MEIS2: variants seen among roughly 807,000 people sequenced by gnomAD.
The protein encoded by MEIS2 is homeobox protein Meis2.
In MEIS2, 9 loss-of-function variants were observed where a neutral mutation model predicts 58.6. The ratio of observed to expected loss-of-function variants is 0.15; its 90% CI spans 0.09 to 0.27. The LOEUF (loss-of-function observed/expected upper bound fraction) is 0.27, where lower values mean the gene tolerates loss of function less well. MEIS2 is among the 10% of genes least tolerant of loss of function. The probability of loss-of-function intolerance (pLI) is 1.00; values close to 1 mark genes in which losing one functional copy is unlikely to be tolerated. For missense variants in MEIS2, 427 were observed against 635.0 expected (o/e 0.67, Z 3.52); for synonymous variants, 221 against 228.4 (o/e 0.97, Z 0.29).
At chr15:37,064,398 T>G (rs1042370737) in intron 7 of MEIS2, among the ~76,000 whole-genome samples, 1 of 152,052 alleles carries the variant, frequency 6.6e-6, no homozygotes, top group Non-Finnish European at 1.5e-5. Flanking sequence ...TAGTAATATA[T>G]ATGACCCCAA....
rs548561756 is a variant in MEIS2, at chr15:37,007,066, TAAC to T, written c.900+29745_900+29747del. 6.6e-5 allele frequency among the ~76,000 whole-genome samples: 10 copies of T among 152,358 alleles called. No individual in the cohort carries two copies. The East Asian group carries it at 1.7e-3, about 26-fold the overall frequency. On this transcript the variant is annotated intron_variant, in intron 8 of 11. Coordinates refer to ENST00000561208, the MANE Select transcript of MEIS2 (RefSeq NM_170675.5). ...TGCTTAACATGTGAAATGAGAATAATAACAGTGTATAAGGCTGACAGTAAGGAA... is the reference window on the plus strand; with the variant it reads ...TGCTTAACATGTGAAATGAGAATAATAGTGTATAAGGCTGACAGTAAGGAA...
At chr15:36,972,313 A>G (rs138004211) in intron 8 of MEIS2, among the ~76,000 whole-genome samples, 11 of 152,334 alleles carry the variant, frequency 7.2e-5, no homozygotes, top group Middle Eastern at 3.4e-3. Flanking sequence ...CATTAACATT[A>G]GTCCTCCTTC....
At chr15:37,009,288 C>CAAAAAAAAATAAAAAAT (rs2061043215) in intron 8 of MEIS2, among the ~76,000 whole-genome samples, 1 of 147,076 alleles carries the variant, frequency 6.8e-6, no homozygotes, top group Non-Finnish European at 1.5e-5. Context: ...GACTCCGTCT[C>CAAAAAAAAATAAAAAAT]AAAAAAAAAT....
chr15:37,046,842 TATA>T (rs1304405838), intron 7 of MEIS2, among the ~76,000 whole-genome samples: 1 of 150,116 alleles, frequency 6.7e-6, no homozygotes, highest in Non-Finnish European at 1.5e-5. Flanking sequence ...AAAAAATATA[TATA>T]TATATATATA....
chr15:37,080,524 T>C (rs563129085), intron 7 of MEIS2, among the ~76,000 whole-genome samples: 6 of 152,136 alleles, frequency 3.9e-5, no homozygotes, highest in Non-Finnish European at 8.8e-5. Flanking sequence ...TCCTAGTCGT[T>C]ACTCTGGCAA....
At chr15:36,968,103 A>G (rs1178352111) in intron 8 of MEIS2, among the ~76,000 whole-genome samples, 1 of 152,208 alleles carries the variant, frequency 6.6e-6, no homozygotes, top group Non-Finnish European at 1.5e-5. Context: ...TTGTGTGCCC[A>G]AGAAACAACT....
intron 8 of MEIS2, among the ~76,000 whole-genome samples, chr15:37,020,689 T>TA (rs150372852): frequency 4.6e-5 from 7 of 151,270 alleles, no homozygotes; most frequent in African/African-American, 1.7e-4. Context: ...TTTTTTTTTT[T>TA]AATCTCACCA....
At chr15:36,948,744 G>A (rs909710650) in intron 9 of MEIS2, among the ~76,000 whole-genome samples, 1 of 151,912 alleles carries the variant, frequency 6.6e-6, no homozygotes, top group Non-Finnish European at 1.5e-5. Flanking sequence ...CTGATAACTT[G>A]TGCTAGGAAC....
intron 8 of MEIS2, among the ~76,000 whole-genome samples, chr15:37,019,681 G>C (rs546512421): frequency 6.6e-6 from 1 of 152,262 alleles, no homozygotes; most frequent in African/African-American, 2.4e-5. Flanking sequence ...ATAGTGTGGG[G>C]AGGAAGAGAG....
chr15:37,059,596 T>G (rs1237436876), intron 7 of MEIS2, among the ~76,000 whole-genome samples: 1 of 151,914 alleles, frequency 6.6e-6, no homozygotes, highest in Non-Finnish European at 1.5e-5. Flanking sequence ...TGCAGATAAA[T>G]AAAATTTTCC....
intron 7 of MEIS2, among the ~76,000 whole-genome samples, chr15:37,059,694 C>T (rs936232741): frequency 1.3e-5 from 2 of 151,704 alleles, no homozygotes; most frequent in East Asian, 1.9e-4. Context: ...CCCAGCACTT[C>T]GGAAGGCTGA....
chr15:37,007,337 T>C (rs2060958425), intron 8 of MEIS2, among the ~76,000 whole-genome samples: 1 of 152,004 alleles, frequency 6.6e-6, no homozygotes, highest in Admixed American at 6.6e-5. Context: ...AAGACCAGTC[T>C]GCGCAACATA....
chr15:37,031,548 T>C (rs1335332211), intron 8 of MEIS2, among the ~76,000 whole-genome samples: 4 of 151,986 alleles, frequency 2.6e-5, no homozygotes, highest in Admixed American at 6.6e-5. Context: ...TGGAACTGAA[T>C]ATACTTATAA....
chr15:37,010,471 C>T (rs925439501), intron 8 of MEIS2, among the ~76,000 whole-genome samples: 1 of 152,148 alleles, frequency 6.6e-6, no homozygotes, highest in Admixed American at 6.5e-5. Context: ...CAACCTGTGC[C>T]TCCTGGGCTC....
intron 6 of MEIS2, among the ~76,000 whole-genome samples, chr15:37,088,448 C>T (rs926520479): frequency 1.3e-5 from 2 of 152,104 alleles, no homozygotes; most frequent in African/African-American, 2.4e-5. Flanking sequence ...TCCTAATTAA[C>T]ATTATGCAAA....
intron 9 of MEIS2, among the ~76,000 whole-genome samples, chr15:36,946,466 A>G (rs2058569567): frequency 6.6e-6 from 1 of 151,704 alleles, no homozygotes. Context: ...ACAAAAGTCT[A>G]TCTTTGTTTA....
At chr15:36,998,641 A>G (rs748438431) in intron 8 of MEIS2, among the ~76,000 whole-genome samples, 3 of 152,074 alleles carry the variant, frequency 2.0e-5, no homozygotes, top group Non-Finnish European at 2.9e-5. Context: ...CACTCTTTAC[A>G]TTTATCTTCT....
intron 9 of MEIS2, among the ~76,000 whole-genome samples, chr15:36,906,525 T>C (rs935438433): frequency 6.6e-6 from 1 of 151,984 alleles, no homozygotes; most frequent in East Asian, 1.9e-4. Flanking sequence ...GTATAGTTGA[T>C]GAAAATTGGA....
chr15:37,030,430 G>A (rs1049597521), intron 8 of MEIS2, among the ~76,000 whole-genome samples: 3 of 151,636 alleles, frequency 2.0e-5, no homozygotes, highest in South Asian at 2.1e-4. Flanking sequence ...TCTACCTCCC[G>A]GGCTCAAGCA....
Sources: allele counts gnomAD v4.1 joint callset (sites outside exome capture counted in the v4.1 genomes callset), GRCh38; gene constraint gnomAD v4.1.1; transcripts MANE v1.5; gene names NCBI Gene and HGNC (gene_info 2026-07-23, HGNC 2026-07-21).